The following CPE variants were observed in gnomAD, a reference collection of about 807,000 sequenced individuals.
CPE encodes carbocypeptidase E.
A neutral mutation model predicts 53.5 loss-of-function variants in CPE; 17 were observed. The observed-to-expected ratio is 0.32, with a 90% confidence interval of 0.22 to 0.48. The LOEUF (loss-of-function observed/expected upper bound fraction) is 0.48. Ranked by LOEUF, CPE falls within the 20% of genes least tolerant of loss-of-function variation. CPE has a pLI of 0.99. For missense variants in CPE, 524 were observed against 614.7 expected, an observed-to-expected ratio of 0.85 and a Z score of 1.56; for synonymous variants, 226 against 228.8, an observed-to-expected ratio of 0.99 and a Z score of 0.11.
intron 1 of CPE, among the ~76,000 whole-genome samples, chr4:165,427,763 A>G (rs1404703488): frequency 6.6e-6 from 1 of 152,144 alleles, no homozygotes; most frequent in Non-Finnish European, 1.5e-5. Context: ...AATATTTTCC[A>G]TTGGATCTCC....
intron 1 of CPE, among the ~76,000 whole-genome samples, chr4:165,446,860 T>C (rs1447985993): frequency 6.6e-6 from 1 of 152,198 alleles, no homozygotes; most frequent in East Asian, 1.9e-4. Context: ...CAAGTATGTA[T>C]TGATAAACAA....
rs1173022270 is a variant in CPE, at chr4:165,461,166, C to CAAAAAAAAAAAAAAAAAAAAAAAAAAAAA, written c.308-3203_308-3202insAAAAAAAAAAAAAAAAAAAAAAAAAAAAA. 1.2e-3 allele frequency among the ~76,000 whole-genome samples: 54 copies of CAAAAAAAAAAAAAAAAAAAAAAAAAAAAA among 44,184 alleles called. 1 individual carries two copies. Among genetic ancestry groups the CAAAAAAAAAAAAAAAAAAAAAAAAAAAAA allele is most frequent in the South Asian group, 2.3e-3 (2 of 872 alleles). The allele number at this position is 44,184 out of a possible 152,430, so 29.0% of individuals were successfully genotyped here. A position where few individuals can be genotyped will look rare whatever the true frequency, so the allele number is the denominator to read the frequency against. Reference sequence around the variant, plus strand: ...TGGGTGACAGAGTGAGCCTCTGCCTCAAAAAAAAAAAAAAAAAAAAAGAAA... The same window carrying CAAAAAAAAAAAAAAAAAAAAAAAAAAAAA: ...TGGGTGACAGAGTGAGCCTCTGCCTCAAAAAAAAAAAAAAAAAAAAAAAAAAAAAAAAAAAAAAAAAAAAAAAAAAGAAA... On this transcript the variant is annotated intron_variant, in intron 1 of 8. Coordinates refer to ENST00000402744, the MANE Select transcript of CPE (RefSeq NM_001873.4).
intron 1 of CPE, among the ~76,000 whole-genome samples, chr4:165,407,451 G>A (rs572659506): frequency 6.6e-6 from 1 of 151,494 alleles, no homozygotes; most frequent in Admixed American, 6.6e-5. Flanking sequence ...GCCCAGGCTG[G>A]TTTCAAATTC....
intron 1 of CPE, among the ~76,000 whole-genome samples, chr4:165,443,749 G>A (rs1181207489): frequency 6.6e-6 from 1 of 152,198 alleles, no homozygotes; most frequent in Non-Finnish European, 1.5e-5. Context: ...TGGGGGATAA[G>A]GCTTTGCTAT....
Position 165,461,894 on chromosome 4 carries a change from A to G in CPE, c.308-2496A>G, listed in dbSNP as rs16999552. ...TATATAGTGATCTAAGTTATTCCTG[A>G]GGACAGAAGGAGTTAGAGATACACT... On this transcript the variant is annotated intron_variant, in intron 1 of 8. Coordinates refer to ENST00000402744, the MANE Select transcript of CPE (RefSeq NM_001873.4). 7.9e-3 allele frequency among the ~76,000 whole-genome samples: 1,198 copies of G among 152,328 alleles called. 22 individuals carry two copies. Among genetic ancestry groups the G allele is most frequent in the African/African-American group, 0.027 (1,139 of 41,568 alleles).
intron 1 of CPE, chr4:165,415,054 A>G (rs915169506): frequency 6.2e-6 from 1 of 162,408 alleles, no homozygotes; most frequent in Non-Finnish European, 1.5e-5. Context: ...TCTTTAATTT[A>G]TCTCCTCCTT....
At chr4:165,444,793 C>T (rs923301329) in intron 1 of CPE, among the ~76,000 whole-genome samples, 2 of 152,148 alleles carry the variant, frequency 1.3e-5, no homozygotes, top group African/African-American at 4.8e-5. Flanking sequence ...TTGCACAAAC[C>T]GTGTGAATTA....
intron 1 of CPE, among the ~76,000 whole-genome samples, chr4:165,380,794 T>G (rs1579235269): frequency 2.6e-5 from 4 of 152,204 alleles, no homozygotes; most frequent in Admixed American, 2.0e-4. Flanking sequence ...AAAAAAAGGT[T>G]CATGTAAGTT....
chr4:165,467,895 C>T, intron 3 of CPE, 40 bp downstream of exon 3: 2 of 1,596,012 alleles, frequency 1.3e-6, no homozygotes, highest in Non-Finnish European at 1.7e-6. Flanking sequence ...TCGTCTCTAG[C>T]CTAAGGAAAT....
At position 165,464,509 on chromosome 4, in the gene CPE, G is replaced by T; in HGVS notation, c.427G>T (p.Val143Phe). The change falls in exon 2 of 9, where the codon GTC (valine) becomes TTC (phenylalanine). Residue 143 changes from valine to phenylalanine, a missense_variant. Transcript: ENST00000402744. ...ATACCAGAAGGGGAACGAGACAATT[G>T]TCAACCTGATCCACAGTACCCGCAT... ...NEYQKGNETI[V>F]NLIHSTRIHI... 1 of 1,613,964 alleles carries T rather than the reference G, an allele frequency of 6.2e-7. No homozygotes were observed.
chr4:165,463,693 A>G (rs1403093654), intron 1 of CPE, among the ~76,000 whole-genome samples: 1 of 152,274 alleles, frequency 6.6e-6, no homozygotes, highest in Non-Finnish European at 1.5e-5. Context: ...CAGTTTGTTT[A>G]TCTGCAAAAT....
chr4:165,421,225 A>G (rs556594525), intron 1 of CPE, among the ~76,000 whole-genome samples: 12 of 152,154 alleles, frequency 7.9e-5, no homozygotes, highest in Non-Finnish European at 1.8e-4. Flanking sequence ...CATTTTCTGT[A>G]GTAGGATTTG....
chr4:165,411,482 C>G (rs1211846834), intron 1 of CPE, among the ~76,000 whole-genome samples: 1 of 152,168 alleles, frequency 6.6e-6, no homozygotes, highest in Non-Finnish European at 1.5e-5. Context: ...AAATCAGTGT[C>G]ATACCAGTTG....
chr4:165,398,800 T>C lies in CPE; in HGVS notation c.307+19272T>C, dbSNP rs370874839. ...TGTTGAGTGGCATTAATATGTTGCC[T>C]CCTGCTGTTTTTTTTCTGAGGAGAC... On this transcript the variant is annotated intron_variant, in intron 1 of 8. Coordinates refer to ENST00000402744, the MANE Select transcript of CPE (RefSeq NM_001873.4). 1.2e-4 allele frequency among the ~76,000 whole-genome samples: 18 copies of C among 152,330 alleles called. No homozygotes were observed. The East Asian group carries it at 2.1e-3, about 18-fold the overall frequency.
rs766620362 is a variant in CPE at position 165,379,417 on chromosome 4, G to C, written c.196G>C (p.Val66Leu). The C allele has an allele frequency of 6.2e-7, 1 of 1,610,228 alleles. No homozygotes were observed. The highest frequency in any genetic ancestry group is 8.5e-7 in the Non-Finnish European group (1 of 1,179,022). ...YPELREALVSVWLQCTAISRI... is the reference protein window; with the variant it reads ...YPELREALVSLWLQCTAISRI... ...CGAGCTGCGCGAGGCGCTCGTGTCC[G>C]TGTGGCTGCAGTGCACCGCCATCAG... The change falls in exon 1 of 9, where the codon GTG becomes CTG. Residue 66 changes from valine (V) to leucine (L), a missense_variant. Val to Leu is a conservative substitution (Grantham distance 32). Transcript: ENST00000402744. This position sits in a 1 kb window ranked among gnomAD's most constrained non-coding sequence, Gnocchi z 6.0.
chr4:165,487,055 T>A (rs1732516900), intron 5 of CPE, among the ~76,000 whole-genome samples: 1 of 152,164 alleles, frequency 6.6e-6, no homozygotes, highest in East Asian at 1.9e-4. Flanking sequence ...CACATGAAGC[T>A]CCAAGTTCTT....
At chr4:165,449,571 C>G (rs1476781741) in intron 1 of CPE, among the ~76,000 whole-genome samples, 1 of 151,992 alleles carries the variant, frequency 6.6e-6, no homozygotes, top group Non-Finnish European at 1.5e-5. Flanking sequence ...AGTAACAGAC[C>G]CGTAAAGAAA....
intron 2 of CPE, among the ~76,000 whole-genome samples, chr4:165,465,852 T>C (rs1293582327): frequency 6.6e-6 from 1 of 152,194 alleles, no homozygotes; most frequent in African/African-American, 2.4e-5. Context: ...ATTTAAAAAA[T>C]AGGTTGCTGT....
At chr4:165,430,653 T>TTC (rs386402158) in intron 1 of CPE, among the ~76,000 whole-genome samples, 1 of 75,580 alleles carries the variant, frequency 1.3e-5, no homozygotes, top group African/African-American at 4.8e-5. Context: ...ATGAAAGTAA[T>TTC]TTTTATTATA....
Sources: gnomAD v4.1 joint callset for allele counts (sites outside exome capture counted in the v4.1 genomes callset) on GRCh38, gnomAD v4.1.1 for gene constraint, Gnocchi (gnomAD v3.1) non-coding constraint, MANE v1.5 for transcripts, NCBI Gene and HGNC (gene_info 2026-07-23, HGNC 2026-07-21) for gene names.